The following FMN1 variants were observed in gnomAD, a reference collection of about 807,000 sequenced individuals.
The protein encoded by FMN1 is formin-1.
A neutral mutation model predicts 132.4 loss-of-function variants in FMN1; 110 were observed. The ratio of observed to expected loss-of-function variants is 0.83; its 90% CI spans 0.71 to 0.97. The LOEUF (loss-of-function observed/expected upper bound fraction) is 0.97, where lower values mean the gene tolerates loss of function less well. Among genes scored for constraint, FMN1 ranks in the 50% least tolerant of loss-of-function variants. The probability of loss-of-function intolerance (pLI) is 0.00; values close to 1 mark genes in which losing one functional copy is unlikely to be tolerated. For synonymous variants in FMN1, 722 were observed against 651.7 expected (o/e 1.11, Z -1.64); for missense variants, 1,792 against 1,705.3 (o/e 1.05, Z -0.90).
At chr15:33,001,649 G>A (rs1456774444) in intron 7 of FMN1, among the ~76,000 whole-genome samples, 5 of 130,626 alleles carry the variant, frequency 3.8e-5, no homozygotes, top group Non-Finnish European at 7.9e-5. Flanking sequence ...TTTGGTTGAG[G>A]ACATATTTGG....
intron 14 of FMN1, 40 bp from the exon 15 acceptor site, chr15:32,898,933 T>C (rs765412167): frequency 1.5e-6 from 2 of 1,335,342 alleles, no homozygotes; most frequent in South Asian, 2.4e-5. Context: ...ATCATTCCCA[T>C]GAGACTGTCA....
chr15:33,007,072 A>AAAGG (rs1412971597), intron 7 of FMN1, among the ~76,000 whole-genome samples: 1 of 152,232 alleles, frequency 6.6e-6, no homozygotes, highest in Non-Finnish European at 1.5e-5. Flanking sequence ...ACCGCATATA[A>AAAGG]ATGATAAATA....
chr15:32,811,196 G>A, intron 17 of FMN1: 1 of 413,618 alleles, frequency 2.4e-6, no homozygotes, highest in South Asian at 1.8e-5. Flanking sequence ...TTTCCTTCTG[G>A]TATGCTTGCC....
At chr15:32,846,664 G>A (rs987473755) in intron 17 of FMN1, among the ~76,000 whole-genome samples, 2 of 152,156 alleles carry the variant, frequency 1.3e-5, no homozygotes, top group African/African-American at 2.4e-5. Flanking sequence ...ATTCCTCAAG[G>A]ATCTAGAACC....
intron 4 of FMN1, among the ~76,000 whole-genome samples, chr15:33,103,762 T>C (rs1445859388): frequency 2.0e-5 from 3 of 152,148 alleles, no homozygotes; most frequent in Non-Finnish European, 4.4e-5. Context: ...AAAGTTATCA[T>C]GGTTTCTATT....
At chr15:32,964,388 G>T in intron 8 of FMN1, 131 bp from the exon 9 acceptor site, 1 of 652,036 alleles carries the variant, frequency 1.5e-6, no homozygotes. Context: ...AATAATGCTT[G>T]GAGAAAAGCT....
intron 17 of FMN1, among the ~76,000 whole-genome samples, chr15:32,847,031 T>C (rs2058873023): frequency 6.6e-6 from 1 of 152,152 alleles, no homozygotes; most frequent in Non-Finnish European, 1.5e-5. Flanking sequence ...TTTCCAATCA[T>C]CAGAAAGAGG....
intron 6 of FMN1, among the ~76,000 whole-genome samples, chr15:33,059,011 G>A (rs879401264): frequency 6.6e-6 from 1 of 152,260 alleles, no homozygotes; most frequent in South Asian, 2.1e-4. Context: ...TATCTAAAAT[G>A]TTGTGCCCTT....
chr15:33,070,011 T>C (rs2037930396), intron 5 of FMN1, among the ~76,000 whole-genome samples: 3 of 139,130 alleles, frequency 2.2e-5, no homozygotes, highest in Non-Finnish European at 4.7e-5. Flanking sequence ...TTTTTTTTTT[T>C]TTTTTTTTTT....
chr15:33,178,383 G>A (rs1247156170), intron 3 of FMN1, among the ~76,000 whole-genome samples: 1 of 152,146 alleles, frequency 6.6e-6, no homozygotes, highest in Non-Finnish European at 1.5e-5. Flanking sequence ...TTCAACTTGA[G>A]ACTGTCTTGG....
rs1300362575 is a variant in FMN1, at chr15:32,774,104, A to G, written c.*206T>C. 20 of 576,130 alleles carry G rather than the reference A, an allele frequency of 3.5e-5. No homozygotes were observed. The highest frequency in any genetic ancestry group is 5.2e-5 in the Non-Finnish European group (17 of 328,298). 35.7% of individuals were successfully genotyped at this position (576,130 alleles called of 1,614,324 possible). A position where few individuals can be genotyped will look rare whatever the true frequency, so the allele number is the denominator to read the frequency against. On this transcript the variant is annotated 3_prime_UTR_variant, in exon 21 of 21. Transcript: ENST00000616417. ...CAAATATTTCTGCAATGTTCCCTTA[A>G]ATAGTTTTCCATTGTTCCTGCGGCT...
intron 16 of FMN1, among the ~76,000 whole-genome samples, chr15:32,885,020 C>G (rs1324487369): frequency 1.3e-5 from 2 of 152,160 alleles, no homozygotes; most frequent in African/African-American, 4.8e-5. Flanking sequence ...TGATGCAGGT[C>G]CTATAACTGT....
chr15:33,046,266 C>T (rs1468033194), intron 6 of FMN1, among the ~76,000 whole-genome samples: 3 of 152,084 alleles, frequency 2.0e-5, no homozygotes, highest in Non-Finnish European at 4.4e-5. Flanking sequence ...GCGAGTCTTA[C>T]AGAAATGGCA....
intron 2 of FMN1, among the ~76,000 whole-genome samples, chr15:33,184,877 G>A (rs951656263): frequency 3.9e-5 from 6 of 152,078 alleles, no homozygotes; most frequent in South Asian, 4.1e-4. Flanking sequence ...TTTACAAAGC[G>A]GAAAAGACTG....
chr15:32,900,700 CTATTA>C (rs1390810302), intron 13 of FMN1, among the ~76,000 whole-genome samples: 1 of 152,126 alleles, frequency 6.6e-6, no homozygotes, highest in Non-Finnish European at 1.5e-5. Flanking sequence ...GTTGTATTGT[CTATTA>C]ACTTTTACAA....
chr15:33,169,740 C>CTTTTTTTT (rs57083437), intron 3 of FMN1, among the ~76,000 whole-genome samples: 2 of 117,910 alleles, frequency 1.7e-5, no homozygotes, highest in Non-Finnish European at 3.5e-5. Context: ...TTTTCTTTTC[C>CTTTTTTTT]TTTTTTTTTT....
chr15:33,044,767 A>C (rs1192575608), intron 6 of FMN1, among the ~76,000 whole-genome samples: 2 of 152,148 alleles, frequency 1.3e-5, no homozygotes, highest in Non-Finnish European at 2.9e-5. Flanking sequence ...AGAGCTGAAA[A>C]GACGACAGGA....
intron 7 of FMN1, among the ~76,000 whole-genome samples, chr15:32,990,415 CAGAT>C (rs1211655933): frequency 6.6e-6 from 1 of 152,102 alleles, no homozygotes; most frequent in Non-Finnish European, 1.5e-5. Context: ...GAAAGAAAGA[CAGAT>C]AGGAGACAAG....
At chr15:32,821,600 C>T (rs536054605) in intron 17 of FMN1, among the ~76,000 whole-genome samples, 26 of 151,824 alleles carry the variant, frequency 1.7e-4, no homozygotes, top group Middle Eastern at 3.4e-3. Flanking sequence ...TACAGGCGCC[C>T]GCCACCATGC....
Sources: allele counts gnomAD v4.1 joint callset (sites outside exome capture counted in the v4.1 genomes callset), GRCh38; gene constraint gnomAD v4.1.1; transcripts MANE v1.5; gene names NCBI Gene and HGNC (gene_info 2026-07-23, HGNC 2026-07-21).